Variants in GREM2 observed in about 807,000 individuals in gnomAD.
GREM2 encodes the protein gremlin-2.
In GREM2, 11 loss-of-function variants were observed where a neutral mutation model predicts 14.2. That is an observed-to-expected ratio of 0.78 (90% CI 0.49 to 1.28). The LOEUF is 1.28. GREM2 is among the 50% of genes most tolerant of loss of function. The probability of loss-of-function intolerance (pLI) is 0.00; values close to 1 mark genes in which losing one functional copy is unlikely to be tolerated. For missense variants in GREM2, 210 were observed against 218.5 expected, an observed-to-expected ratio of 0.96 and a Z score of 0.24; for synonymous variants, 98 against 97.6, an observed-to-expected ratio of 1.00 and a Z score of -0.02.
chr1:240,499,692 G>A (rs975500619), intron 1 of GREM2, among the ~76,000 whole-genome samples: 1 of 152,168 alleles, frequency 6.6e-6, no homozygotes, highest in African/African-American at 2.4e-5. Context: ...GCCAAAGATT[G>A]CTTGCTTGCT....
Position 240,543,494 on chromosome 1 carries a change from AG to A in GREM2, c.-1-50019del, listed in dbSNP as rs1434947915. On this transcript the variant is annotated intron_variant, in intron 1 of 1. Coordinates refer to ENST00000318160, the MANE Select transcript of GREM2 (RefSeq NM_022469.4). This position sits in a 1 kb window ranked among gnomAD's most constrained non-coding sequence, Gnocchi z 6.4. Reference sequence around the variant, plus strand: ...ACTTATTCACTACCATGATAACAGTAGGGGGGAAACCGCCCTTGTGATTCAA... The same window carrying A: ...ACTTATTCACTACCATGATAACAGTAGGGGGAAACCGCCCTTGTGATTCAA... Among the ~76,000 whole-genome samples, 4 of 152,256 alleles carry A rather than the reference AG, an allele frequency of 2.6e-5. No homozygotes were observed. The highest frequency in any genetic ancestry group is 3.4e-3 in the Middle Eastern group (1 of 294).
intron 1 of GREM2, among the ~76,000 whole-genome samples, chr1:240,513,224 G>A (rs559049914): frequency 8.5e-5 from 13 of 152,138 alleles, no homozygotes; most frequent in Non-Finnish European, 1.9e-4. Context: ...GATGTGTGAG[G>A]AGAGAGAAGA....
chr1:240,506,200 T>C (rs1383124022), intron 1 of GREM2, among the ~76,000 whole-genome samples: 2 of 152,182 alleles, frequency 1.3e-5, no homozygotes, highest in Non-Finnish European at 2.9e-5. Context: ...TTGAACTCTT[T>C]GATATGTAAA....
rs748091275 is a variant in GREM2 at position 240,510,263 on chromosome 1, G to A, written c.-1-16787C>T. On this transcript the variant is annotated intron_variant, in intron 1 of 1. Transcript: ENST00000318160. Reference sequence around the variant, plus strand: ...CGGGCGCCTGTAGTCCCAGCTAGTCGGGAGGCTGAGGCAGGAGAATGGCGT... The same window carrying A: ...CGGGCGCCTGTAGTCCCAGCTAGTCAGGAGGCTGAGGCAGGAGAATGGCGT... Among the ~76,000 whole-genome samples, 12 of 150,784 alleles carry A rather than the reference G, an allele frequency of 8.0e-5. 1 individual carries two copies. In the South Asian group the frequency reaches 1.7e-3, roughly 21 times the overall value.
chr1:240,609,458 A>G (rs1464354627), intron 1 of GREM2, among the ~76,000 whole-genome samples: 1 of 151,988 alleles, frequency 6.6e-6, no homozygotes, highest in African/African-American at 2.4e-5. Flanking sequence ...AAACAAAAGA[A>G]CTATCAAGAA....
At chr1:240,496,259 G>A (rs1363604759) in intron 1 of GREM2, among the ~76,000 whole-genome samples, 3 of 152,090 alleles carry the variant, frequency 2.0e-5, no homozygotes, top group Admixed American at 6.6e-5. Flanking sequence ...GGTCGGACGA[G>A]CCTTTACAAG....
chr1:240,518,692 CT>C lies in GREM2; in HGVS notation c.-1-25217del, dbSNP rs1252704223. ...TTACATCTCATTCAGAAACATCCAC[CT>C]CACCAAAATAAACACCCGTTTTCAT... On this transcript the variant is annotated intron_variant, in intron 1 of 1. Coordinates refer to ENST00000318160, the MANE Select transcript of GREM2 (RefSeq NM_022469.4). 1.4e-4 allele frequency among the ~76,000 whole-genome samples: 21 copies of C among 152,290 alleles called. No homozygotes were observed. The East Asian group carries it at 3.9e-3, about 28-fold the overall frequency.
chr1:240,510,047 A>C (rs1188279989), intron 1 of GREM2, among the ~76,000 whole-genome samples: 1 of 152,166 alleles, frequency 6.6e-6, no homozygotes, highest in African/African-American at 2.4e-5. Flanking sequence ...CAATACATCC[A>C]TTTATAAAAA....
intron 1 of GREM2, among the ~76,000 whole-genome samples, chr1:240,512,804 T>C (rs989264430): frequency 6.6e-6 from 1 of 152,192 alleles, no homozygotes; most frequent in Non-Finnish European, 1.5e-5. Flanking sequence ...ATTAAAGTTA[T>C]GGCCCTGATA....
intron 1 of GREM2, among the ~76,000 whole-genome samples, chr1:240,529,330 A>G (rs1678299910): frequency 6.7e-6 from 1 of 149,412 alleles, no homozygotes; most frequent in African/African-American, 2.5e-5. Flanking sequence ...GCATCAAAGA[A>G]TTTAGGAAAT....
chr1:240,562,822 A>G (rs1679076381), intron 1 of GREM2, among the ~76,000 whole-genome samples: 1 of 149,410 alleles, frequency 6.7e-6, no homozygotes, highest in Non-Finnish European at 1.5e-5. Context: ...TGTATTGTGT[A>G]CACGTGAGTG....
intron 1 of GREM2, among the ~76,000 whole-genome samples, chr1:240,564,842 C>T (rs1009920683): frequency 6.6e-6 from 1 of 152,188 alleles, no homozygotes; most frequent in Non-Finnish European, 1.5e-5. Flanking sequence ...ATATTTTGTA[C>T]TTTTCGTCTC....
intron 1 of GREM2, among the ~76,000 whole-genome samples, chr1:240,608,455 C>T (rs112847574): frequency 2.4e-4 from 37 of 152,226 alleles, no homozygotes; most frequent in Non-Finnish European, 3.8e-4. Flanking sequence ...ATCCAGGGTT[C>T]GTGTTATAAT....
intron 1 of GREM2, among the ~76,000 whole-genome samples, chr1:240,521,495 C>T (rs1163494504): frequency 1.3e-5 from 2 of 151,744 alleles, no homozygotes; most frequent in Non-Finnish European, 1.5e-5. Flanking sequence ...GGCGTGAACC[C>T]GGGAGGCGGA....
intron 1 of GREM2, among the ~76,000 whole-genome samples, chr1:240,514,767 G>A (rs1281831358): frequency 6.6e-6 from 1 of 152,130 alleles, no homozygotes; most frequent in Non-Finnish European, 1.5e-5. Context: ...GGGCTTGGAG[G>A]TGCACAGCTG....
chr1:240,514,784 C>A (rs961274524), intron 1 of GREM2, among the ~76,000 whole-genome samples: 2 of 152,078 alleles, frequency 1.3e-5, no homozygotes, highest in African/African-American at 4.8e-5. Flanking sequence ...GCTGTATTCC[C>A]AGCTACTCAG....
intron 1 of GREM2, among the ~76,000 whole-genome samples, chr1:240,532,688 T>G (rs2153289): frequency 0.014 from 1,111 of 77,320 alleles, 7 homozygotes; most frequent in Admixed American, 0.023. Context: ...TAGATAGATA[T>G]ATGGCAAGAA....
intron 1 of GREM2, among the ~76,000 whole-genome samples, chr1:240,603,056 G>C (rs1465652591): frequency 6.6e-6 from 1 of 152,104 alleles, no homozygotes; most frequent in Non-Finnish European, 1.5e-5. Context: ...CTGGGTGACA[G>C]AGCTGCGACA....
At chr1:240,553,754 A>G (rs1678901006) in intron 1 of GREM2, among the ~76,000 whole-genome samples, 1 of 152,252 alleles carries the variant, frequency 6.6e-6, no homozygotes, top group Non-Finnish European at 1.5e-5. Context: ...TCAATGGATA[A>G]CATCTGAACT....
Sources: gnomAD v4.1 joint callset for allele counts (sites outside exome capture counted in the v4.1 genomes callset) on GRCh38, gnomAD v4.1.1 for gene constraint, Gnocchi (gnomAD v3.1) non-coding constraint, MANE v1.5 for transcripts, NCBI Gene and HGNC (gene_info 2026-07-23, HGNC 2026-07-21) for gene names.